The following COLGALT2 variants were observed in gnomAD, a reference collection of about 807,000 sequenced individuals.
COLGALT2 encodes collagen beta(1-O)galactosyltransferase 2, also known as procollagen galactosyltransferase 2.
Under a neutral mutation model 73.4 loss-of-function variants are expected in COLGALT2, and 49 were observed. The ratio of observed to expected loss-of-function variants is 0.67; its 90% confidence interval spans 0.53 to 0.85. The LOEUF is 0.85. Among genes scored for constraint, COLGALT2 ranks in the 40% least tolerant of loss-of-function variants. The pLI is 0.00. For synonymous variants in COLGALT2, 295 were observed against 307.6 expected, an observed-to-expected ratio of 0.96 and a Z score of 0.43; for missense variants, 722 against 790.2, an observed-to-expected ratio of 0.91 and a Z score of 1.03.
Position 184,037,576 on chromosome 1 carries a change from C to T in COLGALT2, c.-219G>A. On this transcript the variant is annotated 5_prime_UTR_variant, in exon 1 of 12. Transcript: ENST00000361927. ...CCCAGGCCCCAGTGCGGGTGCGCAG[C>T]GTACCTGCAGCCGCTGGCGCTCCCC... The T allele has an allele frequency of 1.8e-6, 2 of 1,102,158 alleles. No homozygotes were observed. Among genetic ancestry groups the T allele is most frequent in the Non-Finnish European group, 2.2e-6 (2 of 906,298 alleles). 68.3% of individuals were successfully genotyped at this position (1,102,158 alleles called of 1,614,324 possible).
Position 183,940,624 on chromosome 1 carries a change from G to A in COLGALT2, c.1561C>T (p.Pro521Ser), listed in dbSNP as rs1354018834. 5.6e-6 allele frequency: 9 copies of A among 1,614,186 alleles called. No individual in the cohort carries two copies. Among genetic ancestry groups the A allele is most frequent in the Non-Finnish European group, 7.6e-6 (9 of 1,180,036 alleles). Residue 521 changes from proline (P) to serine (S), a missense_variant, in exon 11 of 12, where the codon CCA becomes TCA. Transcript: ENST00000361927. ...ATGACTGGCAGAAACTCATCCACTG[G>A]CAGCATCTTCCCAAAAGGATTGGCT... ...VGANPFGKML[P>S]VDEFLPVMYN...
At chr1:183,982,916 C>G (rs1443050708) in intron 1 of COLGALT2, among the ~76,000 whole-genome samples, 1 of 152,212 alleles carries the variant, frequency 6.6e-6, no homozygotes, top group African/African-American at 2.4e-5. Context: ...CAATGCATTT[C>G]CTAATCCTTT....
intron 11 of COLGALT2, among the ~76,000 whole-genome samples, chr1:183,930,660 T>A (rs1008548059): frequency 6.8e-6 from 1 of 147,038 alleles, no homozygotes; most frequent in Non-Finnish European, 1.5e-5. Context: ...CTCAAAGCGA[T>A]CTGCCTGCCT....
chr1:183,933,359 G>C (rs577517795), downstream of COLGALT2, among the ~76,000 whole-genome samples: 100 of 152,200 alleles, frequency 6.6e-4, 1 homozygote, highest in African/African-American at 2.3e-3. Context: ...CTCTCCCCTC[G>C]GATTCTCAAC....
chr1:183,984,497 C>T (rs1671437293), intron 1 of COLGALT2, among the ~76,000 whole-genome samples: 1 of 152,190 alleles, frequency 6.6e-6, no homozygotes, highest in Non-Finnish European at 1.5e-5. Flanking sequence ...GGGACAATAA[C>T]TTTCCTTTAC....
chr1:183,950,894 C>T, intron 8 of COLGALT2, 113 bp downstream of exon 8: 1 of 733,234 alleles, frequency 1.4e-6, no homozygotes, highest in South Asian at 2.0e-5. Context: ...GAAAATAAGA[C>T]TATCCTCTAA....
chr1:183,932,695 C>A (rs1447890326), downstream of COLGALT2, among the ~76,000 whole-genome samples: 1 of 152,168 alleles, frequency 6.6e-6, no homozygotes, highest in Non-Finnish European at 1.5e-5. Context: ...GCCTCCCTGG[C>A]CAGCCTGCAG....
At position 183,945,564 on chromosome 1, in the gene COLGALT2, C is replaced by T. The variant is rs1213758650; in HGVS notation, c.1137G>A (p.Lys379=). ...EVKIVEAVDG[K]ALNTSQLKAL... Reference sequence around the variant, plus strand: ...CCTTCAGCTGGCTTGTGTTGAGTGCCCTGCATCACATAAAACACGTCTGGA... The same window carrying T: ...CCTTCAGCTGGCTTGTGTTGAGTGCTCTGCATCACATAAAACACGTCTGGA... Residue 379 remains lysine (K), a splice_region_variant and synonymous_variant, in exon 9 of 12, where the codon AAG becomes AAA. Coordinates refer to ENST00000361927, the MANE Select transcript of COLGALT2 (RefSeq NM_015101.4). The T allele has an allele frequency of 6.2e-7, 1 of 1,613,918 alleles. No individual in the cohort carries two copies. The highest frequency in any genetic ancestry group is 1.1e-5 in the South Asian group (1 of 91,050).
chr1:183,941,954 C>CTT (rs34285270), intron 10 of COLGALT2, among the ~76,000 whole-genome samples: 30 of 142,850 alleles, frequency 2.1e-4, no homozygotes, highest in Admixed American at 5.6e-4. Flanking sequence ...CGACAGTTTA[C>CTT]TTTTTTTTTT....
intron 1 of COLGALT2, among the ~76,000 whole-genome samples, chr1:183,983,110 T>TA (rs1671396742): frequency 6.6e-6 from 1 of 152,242 alleles, no homozygotes; most frequent in Non-Finnish European, 1.5e-5. Context: ...TTTATTGAGT[T>TA]AAAAAACTGT....
chr1:183,940,703 G>A lies in COLGALT2; in HGVS notation c.1482C>T (p.Ser494=), dbSNP rs573603877. The part of the protein sequence containing the change: ...NVANLVEADY[S]YWTLGYVISL... ...AGATGACGTAGCCCAGGGTCCAGTAGGAATAGTCGGCTTCGACCAGGTTTG... is the reference window on the plus strand; with the variant it reads ...AGATGACGTAGCCCAGGGTCCAGTAAGAATAGTCGGCTTCGACCAGGTTTG... The change falls in exon 11 of 12, where the codon TCC becomes TCT. Residue 494 remains serine, a synonymous_variant. Transcript: ENST00000361927. 9.5e-5 allele frequency: 154 copies of A among 1,614,200 alleles called. 1 individual carries two copies. The South Asian group carries it at 1.6e-3, about 17-fold the overall frequency.
chr1:183,937,296 A>G lies in COLGALT2; in HGVS notation c.*1465T>C. 9.1e-7 allele frequency: 1 copy of G among 1,104,714 alleles called. No individual in the cohort carries two copies. The allele number at this position is 1,104,714 out of a possible 1,614,324, so 68.4% of individuals were successfully genotyped here. ...GATGCCTGGGAGGGTTTTTCTGGAGACAAAAATTTACAGATTGAGGGCATG... is the reference window on the plus strand; with the variant it reads ...GATGCCTGGGAGGGTTTTTCTGGAGGCAAAAATTTACAGATTGAGGGCATG... On this transcript the variant is annotated 3_prime_UTR_variant, in exon 12 of 12. Transcript: ENST00000361927.
At chr1:183,971,804 T>C (rs981845894) in intron 4 of COLGALT2, among the ~76,000 whole-genome samples, 5 of 152,218 alleles carry the variant, frequency 3.3e-5, no homozygotes, top group African/African-American at 1.2e-4. Context: ...AAAAATCACG[T>C]TAATCCCCAC....
At chr1:184,005,975 G>C (rs1246063958) in intron 1 of COLGALT2, among the ~76,000 whole-genome samples, 1 of 152,194 alleles carries the variant, frequency 6.6e-6, no homozygotes, top group Non-Finnish European at 1.5e-5. Flanking sequence ...CTCTTCCCCT[G>C]CTGTTGGAGG....
intron 5 of COLGALT2, among the ~76,000 whole-genome samples, chr1:183,969,057 G>A (rs1158860392): frequency 6.6e-6 from 1 of 152,012 alleles, no homozygotes; most frequent in Non-Finnish European, 1.5e-5. Context: ...AAATAGAGTG[G>A]GTTCCTGGGT....
At chr1:184,010,156 A>G (rs1489993892) in intron 1 of COLGALT2, among the ~76,000 whole-genome samples, 1 of 152,130 alleles carries the variant, frequency 6.6e-6, no homozygotes. Flanking sequence ...GCAGGTGAAT[A>G]ATGTGGTTGA....
In COLGALT2 at chr1:183,997,089, C is replaced by T. The variant is rs191812238; in HGVS notation, c.264-18569G>A. Among the ~76,000 whole-genome samples, 615 of 152,180 alleles carry T rather than the reference C, an allele frequency of 4.0e-3. 3 individuals carry two copies. Among genetic ancestry groups the T allele is most frequent in the Non-Finnish European group, 7.3e-3 (494 of 68,004 alleles). On this transcript the variant is annotated intron_variant, in intron 1 of 11. Coordinates refer to ENST00000361927, the MANE Select transcript of COLGALT2 (RefSeq NM_015101.4). ...ATAGAACAAGAGGCTTAAGGTCTGG[C>T]CACAAGCCCACCATCAACCTAGCAT...
chr1:183,951,834 C>T (rs540991340), intron 7 of COLGALT2, among the ~76,000 whole-genome samples: 3 of 151,964 alleles, frequency 2.0e-5, no homozygotes, highest in Non-Finnish European at 4.4e-5. Context: ...TTCATAGAAC[C>T]AGAAAAAAAT....
intron 8 of COLGALT2, among the ~76,000 whole-genome samples, chr1:183,947,658 T>C (rs1670286912): frequency 6.6e-6 from 1 of 152,076 alleles, no homozygotes; most frequent in South Asian, 2.1e-4. Context: ...ATATCTCAAA[T>C]AATAATCCTC....
Sources: allele counts gnomAD v4.1 joint callset (sites outside exome capture counted in the v4.1 genomes callset), GRCh38; gene constraint gnomAD v4.1.1; transcripts MANE v1.5; gene names NCBI Gene and HGNC (gene_info 2026-07-23, HGNC 2026-07-21).